The following AKT3 variants were observed in gnomAD, a reference collection of about 807,000 sequenced individuals.
AKT3 encodes the protein RAC-gamma serine/threonine-protein kinase.
AKT3 carries 15 observed loss-of-function variants against 65.3 expected under a neutral mutation model. The observed-to-expected ratio is 0.23, with a 90% confidence interval of 0.15 to 0.35. AKT3 has a LOEUF of 0.35. Ranked by LOEUF, AKT3 falls within the 10% of genes least tolerant of loss-of-function variation. The probability of loss-of-function intolerance (pLI) is 1.00; values close to 1 mark genes in which losing one functional copy is unlikely to be tolerated. For missense variants in AKT3, 243 were observed against 576.5 expected (o/e 0.42, Z 5.92); for synonymous variants, 206 against 183.8 (o/e 1.12, Z -0.98).
chr1:243,563,082 A>G (rs1208330166), intron 10 of AKT3, among the ~76,000 whole-genome samples: 1 of 152,060 alleles, frequency 6.6e-6, no homozygotes, highest in Non-Finnish European at 1.5e-5. Flanking sequence ...GTCTCCCTCC[A>G]CTGAAAGTTA....
intron 5 of AKT3, among the ~76,000 whole-genome samples, chr1:243,642,403 G>A (rs948454732): frequency 6.6e-6 from 1 of 152,186 alleles, no homozygotes; most frequent in African/African-American, 2.4e-5. Context: ...TCTGCCTCCT[G>A]AGATCACGAC....
In AKT3 at chr1:243,846,834, A is replaced by G. The variant is rs896171605; in HGVS notation, c.-113+3206T>C. On this transcript the variant is annotated intron_variant, in intron 1 of 13. Coordinates refer to ENST00000673466, the MANE Select transcript of AKT3 (RefSeq NM_005465.7). ...AATTAGGAAAGTTTAAATAAAAGGT[A>G]TTTTTAGAATGCCACAATAAGTTTT... is the stretch of plus-strand genomic sequence containing the variant. 2.6e-5 allele frequency among the ~76,000 whole-genome samples: 4 copies of G among 152,240 alleles called. 1 individual carries two copies. Among genetic ancestry groups the G allele is most frequent in the Admixed American group, 1.3e-4 (2 of 15,290 alleles).
intron 3 of AKT3, among the ~76,000 whole-genome samples, chr1:243,667,883 T>A (rs1330362517): frequency 1.3e-5 from 2 of 152,108 alleles, no homozygotes; most frequent in East Asian, 3.9e-4. Context: ...CACTACACTC[T>A]TTCTGCTTTA....
intron 2 of AKT3, among the ~76,000 whole-genome samples, chr1:243,699,503 AT>A (rs1685297681): frequency 2.5e-5 from 2 of 79,362 alleles, no homozygotes; most frequent in African/African-American, 4.3e-5. Context: ...ATATATATAT[AT>A]ATATATATAA....
chr1:243,545,486 C>T (rs1426419375), intron 12 of AKT3, 24 bp downstream of exon 12: 7 of 1,456,448 alleles, frequency 4.8e-6, no homozygotes, highest in Non-Finnish European at 6.7e-6. Flanking sequence ...AATATATACA[C>T]ACTATGCCAT....
chr1:243,593,791 C>G (rs1676407138), intron 8 of AKT3, among the ~76,000 whole-genome samples: 1 of 152,150 alleles, frequency 6.6e-6, no homozygotes, highest in African/African-American at 2.4e-5. Flanking sequence ...TAGGAGAGAA[C>G]TTAACCTAAT....
chr1:243,809,716 T>C (rs1388477810), intron 2 of AKT3, among the ~76,000 whole-genome samples: 1 of 152,166 alleles, frequency 6.6e-6, no homozygotes, highest in Non-Finnish European at 1.5e-5. Context: ...CCACCCCAAA[T>C]CAACAGATTA....
rs950053385 is a variant in AKT3, at chr1:243,503,886, A to G, written c.*1363T>C. On this transcript the variant is annotated 3_prime_UTR_variant, in exon 14 of 14. Transcript: ENST00000673466. Reference sequence around the variant, plus strand: ...CTTCACTCAGGTCTCAATTTTCTTCATTACTTTTTGTTGCCAGGTCATCAT... The same window carrying G: ...CTTCACTCAGGTCTCAATTTTCTTCGTTACTTTTTGTTGCCAGGTCATCAT... 1.3e-5 allele frequency: 3 copies of G among 227,864 alleles called. No individual in the cohort carries two copies. The highest frequency in any genetic ancestry group is 2.6e-5 in the Non-Finnish European group (3 of 114,626). The allele number at this position is 227,864 out of a possible 1,614,324, so 14.1% of individuals were successfully genotyped here.
chr1:243,505,411 C>T, intron 13 of AKT3, 77 bp from the exon 14 acceptor site: 1 of 1,283,162 alleles, frequency 7.8e-7, no homozygotes, highest in East Asian at 2.3e-5. Flanking sequence ...GTTTTTTAAA[C>T]TCTGAACATA....
chr1:243,666,249 C>G (rs543697930), intron 3 of AKT3, among the ~76,000 whole-genome samples: 10 of 152,220 alleles, frequency 6.6e-5, no homozygotes, highest in South Asian at 2.1e-4. Context: ...AGTGATCCGC[C>G]CGCCTCGGCC....
rs891177666 is a variant in AKT3 at position 243,797,499 on chromosome 1, G to A, written c.46+45626C>T. 2.6e-5 allele frequency among the ~76,000 whole-genome samples: 4 copies of A among 152,148 alleles called. No individual in the cohort carries two copies. The South Asian group carries it at 6.2e-4, about 24-fold the overall frequency. ...AGGTCTCAACCCAGATCTACTAAATGAGAATCTTGGGATTCTCAGACATTG... is the reference window on the plus strand; with the variant it reads ...AGGTCTCAACCCAGATCTACTAAATAAGAATCTTGGGATTCTCAGACATTG... On this transcript the variant is annotated intron_variant, in intron 2 of 13. Transcript: ENST00000673466.
In AKT3 at chr1:243,500,189, CT is replaced by C. The variant is rs1343448961; in HGVS notation, c.*5059del. 1 of 259,752 alleles carries C rather than the reference CT, an allele frequency of 3.8e-6. No homozygotes were observed. Among genetic ancestry groups the C allele is most frequent in the Non-Finnish European group, 7.5e-6 (1 of 133,836 alleles). 16.1% of individuals were successfully genotyped at this position (259,752 alleles called of 1,614,324 possible). On this transcript the variant is annotated 3_prime_UTR_variant, in exon 14 of 14. Coordinates refer to ENST00000673466, the MANE Select transcript of AKT3 (RefSeq NM_005465.7). ...AGGCCAAAGTATATTAAGGACCAAA[CT>C]TTTTTTCCTGCCATTCATTTTTCTT...
rs565630499 is a variant in AKT3 at position 243,525,767 on chromosome 1, G to A, written c.1252-13341C>T. On this transcript the variant is annotated intron_variant, in intron 12 of 13. Transcript: ENST00000673466. ...CATACCTGTTGGACAACTTCCAAAA[G>A]TAAGAAAGAAAGAAAGAAAGAAAGA... is the stretch of plus-strand genomic sequence containing the variant. Among the ~76,000 whole-genome samples, 6 of 27,324 alleles carry A rather than the reference G, an allele frequency of 2.2e-4. No homozygotes were observed. In the Admixed American group the frequency reaches 2.4e-3, roughly 11 times the overall value. 17.9% of individuals were successfully genotyped at this position (27,324 alleles called of 152,430 possible). A position where few individuals can be genotyped will look rare whatever the true frequency, so the allele number is the denominator to read the frequency against.
At chr1:243,832,072 G>C (rs1234248952) in intron 2 of AKT3, among the ~76,000 whole-genome samples, 1 of 128,042 alleles carries the variant, frequency 7.8e-6, no homozygotes, top group Non-Finnish European at 1.6e-5. Flanking sequence ...CTGAAGGCCA[G>C]GAGTTGGAGA....
chr1:243,568,955 G>A (rs1230258785), intron 9 of AKT3, among the ~76,000 whole-genome samples: 12 of 152,192 alleles, frequency 7.9e-5, no homozygotes, highest in Admixed American at 7.9e-4. Context: ...TTAAACGACT[G>A]ACATTGTGAT....
intron 10 of AKT3, among the ~76,000 whole-genome samples, chr1:243,562,457 GT>G (rs1221194198): frequency 3.9e-5 from 6 of 152,142 alleles, no homozygotes; most frequent in Admixed American, 6.5e-5. Flanking sequence ...AAAAGAGTAA[GT>G]TTTATGGCAT....
intron 6 of AKT3, among the ~76,000 whole-genome samples, chr1:243,617,513 T>C (rs1041684798): frequency 6.6e-6 from 1 of 152,164 alleles, no homozygotes; most frequent in African/African-American, 2.4e-5. Flanking sequence ...CTCACAGAGT[T>C]CATAGGCTAG....
At chr1:243,693,675 G>A (rs1017435867) in intron 3 of AKT3, among the ~76,000 whole-genome samples, 2 of 152,068 alleles carry the variant, frequency 1.3e-5, no homozygotes, top group Non-Finnish European at 2.9e-5. Flanking sequence ...GCAGCTTGCG[G>A]CCAGGTTGGA....
chr1:243,639,796 T>C (rs1259867288), intron 5 of AKT3, among the ~76,000 whole-genome samples: 1 of 152,084 alleles, frequency 6.6e-6, no homozygotes, highest in Admixed American at 6.6e-5. Context: ...GCCTATGGAG[T>C]AGCCACCCTT....
Sources: gnomAD v4.1 joint callset for allele counts (sites outside exome capture counted in the v4.1 genomes callset) on GRCh38, gnomAD v4.1.1 for gene constraint, MANE v1.5 for transcripts, NCBI Gene and HGNC (gene_info 2026-07-23, HGNC 2026-07-21) for gene names.